BOLL: variants seen among roughly 807,000 people sequenced by gnomAD.
BOLL encodes the protein protein boule-like.
In BOLL, 23 loss-of-function variants were observed where a neutral mutation model predicts 44.4. The ratio of observed to expected loss-of-function variants is 0.52; its 90% CI spans 0.37 to 0.73. The LOEUF is 0.73. Ranked by LOEUF, BOLL falls within the 30% of genes least tolerant of loss-of-function variation. The probability of loss-of-function intolerance (pLI) is 0.00; values close to 1 mark genes in which losing one functional copy is unlikely to be tolerated. For synonymous variants in BOLL, 97 were observed against 110.8 expected (o/e 0.88, Z 0.78); for missense variants, 287 against 338.3 (o/e 0.85, Z 1.19).
chr2:197,755,191 G>T (rs969866786), intron 9 of BOLL, among the ~76,000 whole-genome samples: 16 of 152,342 alleles, frequency 1.1e-4, no homozygotes, highest in African/African-American at 3.6e-4. Flanking sequence ...AACACAATGA[G>T]ATACCATCTC....
At chr2:197,774,388 G>GA (rs1010892377) in intron 5 of BOLL, 8 of 152,094 alleles carry the variant, frequency 5.3e-5, no homozygotes, top group African/African-American at 1.9e-4. Context: ...TATTTCAGCA[G>GA]AAACATTTTT....
At chr2:197,773,529 T>C (rs1233470350) in intron 5 of BOLL, among the ~76,000 whole-genome samples, 3 of 151,910 alleles carry the variant, frequency 2.0e-5, no homozygotes, top group South Asian at 4.2e-4. Flanking sequence ...ATTTCAATTA[T>C]TATGTATACA....
At chr2:197,782,301 C>T (rs1414297045) in intron 1 of BOLL, among the ~76,000 whole-genome samples, 1 of 152,140 alleles carries the variant, frequency 6.6e-6, no homozygotes, top group African/African-American at 2.4e-5. Context: ...CAGACAAAGT[C>T]ACCCTGTGAC....
At chr2:197,784,391 C>CATATACATACATATAT (rs1689946803) in intron 1 of BOLL, among the ~76,000 whole-genome samples, 1 of 55,000 alleles carries the variant, frequency 1.8e-5, no homozygotes, top group African/African-American at 8.5e-5. Context: ...CAGTCTAATA[C>CATATACATACATATAT]ATATATATAT....
At chr2:197,777,298 C>T (rs1170743420) in intron 3 of BOLL, among the ~76,000 whole-genome samples, 185 bp from the exon 4 acceptor site, 1 of 151,662 alleles carries the variant, frequency 6.6e-6, no homozygotes, top group African/African-American at 2.4e-5. Context: ...CACTTTTAGT[C>T]AGGAACTAAA....
At chr2:197,746,079 G>A (rs1251241709) in intron 9 of BOLL, among the ~76,000 whole-genome samples, 3 of 152,184 alleles carry the variant, frequency 2.0e-5, no homozygotes, top group Non-Finnish European at 4.4e-5. Context: ...AAGTGGGAAA[G>A]GAAGTAGCAA....
chr2:197,780,265 T>C (rs938084877), intron 2 of BOLL, among the ~76,000 whole-genome samples: 2 of 152,060 alleles, frequency 1.3e-5, no homozygotes, highest in Admixed American at 1.3e-4. Context: ...AAAAAGTCTG[T>C]GACTACTTGC....
At chr2:197,759,464 A>AC (rs1044681878) in intron 7 of BOLL, among the ~76,000 whole-genome samples, 1 of 151,548 alleles carries the variant, frequency 6.6e-6, no homozygotes, top group Non-Finnish European at 1.5e-5. Flanking sequence ...CACCCCCTCA[A>AC]CCCCACCCTG....
intron 10 of BOLL, among the ~76,000 whole-genome samples, chr2:197,735,825 C>T (rs1248054207): frequency 6.6e-6 from 1 of 152,146 alleles, no homozygotes; most frequent in African/African-American, 2.4e-5. Flanking sequence ...TTTTCTTCTG[C>T]TCCCTGCATT....
chr2:197,777,619 A>G (rs1035937485), intron 3 of BOLL, among the ~76,000 whole-genome samples: 1 of 151,926 alleles, frequency 6.6e-6, no homozygotes, highest in Non-Finnish European at 1.5e-5. Context: ...CCCAAACAAT[A>G]TCAATTAAAA....
intron 10 of BOLL, among the ~76,000 whole-genome samples, 192 bp downstream of exon 10, chr2:197,742,869 T>A (rs1174461568): frequency 6.6e-6 from 1 of 152,096 alleles, no homozygotes; most frequent in Non-Finnish European, 1.5e-5. Context: ...GTTGCATATA[T>A]TACCACAATA....
At chr2:197,783,213 G>T (rs1415058115) in intron 1 of BOLL, among the ~76,000 whole-genome samples, 2 of 152,090 alleles carry the variant, frequency 1.3e-5, no homozygotes, top group Non-Finnish European at 2.9e-5. Flanking sequence ...CCAGCTGCTT[G>T]GGAGGCTGAG....
Position 197,743,176 on chromosome 2 carries a change from G to T in BOLL, c.730-17C>A. On this transcript the variant is annotated splice_polypyrimidine_tract_variant and intron_variant, in intron 9 of 10. Coordinates refer to ENST00000392296, the MANE Select transcript of BOLL (RefSeq NM_033030.6). ...AGAATAAGGCTATTACAAAAAAAGA[G>T]AGAAAAAATGTCACCTTTCATCTAT... 1.3e-6 allele frequency: 2 copies of T among 1,524,180 alleles called. No homozygotes were observed. Among genetic ancestry groups the T allele is most frequent in the South Asian group, 1.2e-5 (1 of 81,044 alleles). The allele number at this position is 1,524,180 out of a possible 1,614,324, so 94.4% of individuals were successfully genotyped here.
chr2:197,765,728 CA>C (rs1688964788), intron 7 of BOLL, among the ~76,000 whole-genome samples: 1 of 151,362 alleles, frequency 6.6e-6, no homozygotes, highest in South Asian at 2.1e-4. Flanking sequence ...ATTTTAGGTT[CA>C]GGGGTACATG....
intron 6 of BOLL, among the ~76,000 whole-genome samples, chr2:197,767,121 G>C (rs1218159734): frequency 2.0e-5 from 3 of 151,916 alleles, no homozygotes; most frequent in African/African-American, 7.2e-5. Context: ...ACATTTAAAA[G>C]AGTTAATAGT....
At chr2:197,771,710 G>T (rs1689272120) in intron 6 of BOLL, 145 bp downstream of exon 6, 3 of 968,872 alleles carry the variant, frequency 3.1e-6, no homozygotes, top group East Asian at 3.5e-5. Flanking sequence ...TTAAGTAAAT[G>T]TGGCAAAATG....
intron 2 of BOLL, among the ~76,000 whole-genome samples, chr2:197,779,311 C>A (rs1689661819): frequency 6.6e-6 from 1 of 151,968 alleles, no homozygotes; most frequent in African/African-American, 2.4e-5. Context: ...TTTAAAACTA[C>A]AAAACTCACT....
intron 1 of BOLL, 83 bp downstream of exon 1, chr2:197,784,973 T>G (rs943215718): frequency 1.0e-6 from 1 of 985,924 alleles, no homozygotes; most frequent in African/African-American, 1.7e-5. Flanking sequence ...CAATGTGCCC[T>G]CACTGGCCCC....
chr2:197,768,339 TA>T (rs932058690), intron 6 of BOLL, among the ~76,000 whole-genome samples: 69 of 151,282 alleles, frequency 4.6e-4, no homozygotes, highest in African/African-American at 1.3e-3. Context: ...GCAATTCTAA[TA>T]AAAAAAAGGG....
Sources: allele counts gnomAD v4.1 joint callset (sites outside exome capture counted in the v4.1 genomes callset), GRCh38; gene constraint gnomAD v4.1.1; transcripts MANE v1.5; gene names NCBI Gene and HGNC (gene_info 2026-07-23, HGNC 2026-07-21).